The following GANC variants were observed in gnomAD, a reference collection of about 807,000 sequenced individuals.
The protein encoded by GANC is neutral alpha-glucosidase C.
Under a neutral mutation model 124.2 loss-of-function variants are expected in GANC, and 117 were observed. The ratio of observed to expected loss-of-function variants is 0.94; its 90% CI spans 0.81 to 1.10. The LOEUF (loss-of-function observed/expected upper bound fraction) is 1.10, where lower values mean the gene tolerates loss of function less well. GANC is among the 50% of genes least tolerant of loss of function. The pLI is 0.00. For synonymous variants in GANC, 377 were observed against 376.8 expected, an observed-to-expected ratio of 1.00 and a Z score of -0.01; for missense variants, 1,140 against 1,095.0, an observed-to-expected ratio of 1.04 and a Z score of -0.58.
chr15:42,310,843 A>C lies in GANC; in HGVS notation c.1054A>C (p.Thr352Pro). 2 of 1,608,922 alleles carry C rather than the reference A, an allele frequency of 1.2e-6. No homozygotes were observed. Among genetic ancestry groups the C allele is most frequent in the Non-Finnish European group, 1.7e-6 (2 of 1,175,646 alleles). ...TGTCTTCAAACAGTACTCACACCTT[A>C]CAGGTATTTGCACGAAGAAGTGCCA... is the stretch of plus-strand genomic sequence containing the variant. ...SDVFKQYSHLTGTQAMPPLFS... is the reference protein window; with the variant it reads ...SDVFKQYSHLPGTQAMPPLFS... The change falls in exon 10 of 24, where the codon ACA becomes CCA. Residue 352 changes from threonine to proline, a missense_variant. Physicochemically the swap from Thr to Pro is conservative, Grantham distance 38 (BLOSUM62 -1). Coordinates refer to ENST00000318010, the MANE Select transcript of GANC (RefSeq NM_198141.3).
intron 1 of GANC, among the ~76,000 whole-genome samples, chr15:42,275,792 T>G (rs1356065685): frequency 6.6e-6 from 1 of 152,234 alleles, no homozygotes; most frequent in African/African-American, 2.4e-5. Context: ...TCTGTTCTTA[T>G]TCTAGCACCT....
intron 3 of GANC, chr15:42,281,024 A>C (rs964019340): frequency 1.4e-6 from 1 of 702,576 alleles, no homozygotes; most frequent in African/African-American, 1.7e-5. Flanking sequence ...ACCTGGCTCA[A>C]AAGGAAGCTG....
chr15:42,281,267 G>A, intron 3 of GANC: 1 of 620,040 alleles, frequency 1.6e-6, no homozygotes, highest in South Asian at 1.9e-5. Flanking sequence ...TTGTCATGTG[G>A]TGTTGAGATG....
intron 18 of GANC, among the ~76,000 whole-genome samples, chr15:42,341,749 A>T (rs1391644390): frequency 6.6e-6 from 1 of 152,064 alleles, no homozygotes; most frequent in Non-Finnish European, 1.5e-5. Context: ...TTTTTAGTAG[A>T]GATGGGGTTT....
intron 15 of GANC, among the ~76,000 whole-genome samples, chr15:42,333,954 A>G (rs1049608863): frequency 3.3e-5 from 5 of 152,140 alleles, no homozygotes; most frequent in African/African-American, 9.7e-5. Flanking sequence ...TATGTGATCA[A>G]TTGCTTTGCA....
At chr15:42,329,524 T>C in intron 14 of GANC, 75 bp downstream of exon 14, 2 of 1,454,278 alleles carry the variant, frequency 1.4e-6, no homozygotes, top group Non-Finnish European at 9.3e-7. Flanking sequence ...CTTTGTGATA[T>C]AATGGCTATT....
intron 20 of GANC, among the ~76,000 whole-genome samples, chr15:42,347,226 T>C (rs961254705): frequency 6.7e-6 from 1 of 150,374 alleles, no homozygotes; most frequent in Admixed American, 6.6e-5. Flanking sequence ...AAGGGGCATG[T>C]GTGGGGAGAT....
intron 8 of GANC, among the ~76,000 whole-genome samples, 192 bp downstream of exon 8, chr15:42,308,510 GTC>G (rs2052019867): frequency 6.6e-6 from 1 of 152,088 alleles, no homozygotes; most frequent in Non-Finnish European, 1.5e-5. Context: ...TTGAGACAGA[GTC>G]TTGCTCTGTC....
chr15:42,351,236 T>TGGGAGAGGAACTCACAAGGC (rs2052432635), intron 22 of GANC, 93 bp from the exon 23 acceptor site: 2 of 824,670 alleles, frequency 2.4e-6, no homozygotes, highest in African/African-American at 3.4e-5. Flanking sequence ...AAGGGACAGA[T>TGGGAGAGGAACTCACAAGGC]GGGAGAGGAA....
In GANC at chr15:42,273,414, G is replaced by C; in HGVS notation, c.-1068G>C. 1 of 1,613,642 alleles carries C rather than the reference G, an allele frequency of 6.2e-7. No homozygotes were observed. The highest frequency in any genetic ancestry group is 2.2e-5 in the East Asian group (1 of 44,886). The stretch of plus-strand genomic sequence containing the variant: ...CCGCCGCCATCTTCACAGCCGTGGA[G>C]TGCCTACCGAAAGCATTTCACCCTC... On this transcript the variant is annotated 5_prime_UTR_variant, in exon 1 of 24. Transcript: ENST00000318010.
Position 42,337,534 on chromosome 15 carries a change from A to G in GANC, c.1742-855A>G, listed in dbSNP as rs2052292167. 2.6e-5 allele frequency among the ~76,000 whole-genome samples: 4 copies of G among 152,164 alleles called. 1 individual carries two copies. In the South Asian group the frequency reaches 8.3e-4, roughly 32 times the overall value. ...AGAACACGTGGACACATAGAGGGGA[A>G]CAACAGACACTGGGGCCTACCTGAG... On this transcript the variant is annotated intron_variant, in intron 15 of 23. Transcript: ENST00000318010.
At chr15:42,296,528 G>T (rs2051893525) in intron 5 of GANC, among the ~76,000 whole-genome samples, 1 of 152,078 alleles carries the variant, frequency 6.6e-6, no homozygotes, top group Admixed American at 6.6e-5. Context: ...AAGTAGCTGT[G>T]ATTACAGGTG....
intron 2 of GANC, among the ~76,000 whole-genome samples, chr15:42,277,060 C>T (rs1442034814): frequency 3.3e-5 from 5 of 152,130 alleles, no homozygotes; most frequent in African/African-American, 1.2e-4. Flanking sequence ...GCTAAAATAG[C>T]ACTACCACAA....
intron 1 of GANC, 74 bp downstream of exon 1, chr15:42,274,584 T>A: frequency 7.1e-7 from 1 of 1,400,106 alleles, no homozygotes; most frequent in South Asian, 1.3e-5. Context: ...TAATTGCATT[T>A]CTTATTTGCG....
In GANC at chr15:42,296,775, C is replaced by T. The variant is rs140371176; in HGVS notation, c.513-836C>T. 1.1e-4 allele frequency among the ~76,000 whole-genome samples: 16 copies of T among 151,286 alleles called. No homozygotes were observed. The East Asian group carries it at 2.7e-3, about 26-fold the overall frequency. ...TTTGGATTCGTCTTTTCTAAAAAAA[C>T]TTTTATGTAATAAAAGTATGCTGTA... On this transcript the variant is annotated intron_variant, in intron 5 of 23. Transcript: ENST00000318010.
At chr15:42,342,006 T>G (rs2052332119) in intron 18 of GANC, among the ~76,000 whole-genome samples, 1 of 152,212 alleles carries the variant, frequency 6.6e-6, no homozygotes, top group African/African-American at 2.4e-5. Flanking sequence ...ATTATGTAAC[T>G]TTCATTCCAT....
At chr15:42,277,990 A>T (rs1000522211) in intron 2 of GANC, 1 of 338,508 alleles carries the variant, frequency 3.0e-6, no homozygotes, top group African/African-American at 2.1e-5. Context: ...ATTATACAGT[A>T]TAGCTTTCTA....
rs530905735 is a variant in GANC at position 42,294,295 on chromosome 15, C to T, written c.512+1378C>T. 8.6e-5 allele frequency among the ~76,000 whole-genome samples: 13 copies of T among 151,326 alleles called. 1 individual carries two copies. The South Asian group carries it at 1.2e-3, about 15-fold the overall frequency. ...ATCGTTGAAAGTAATGTGTTCTGGT[C>T]GGGTGTGGTGGCTCATGCCTGTAAC... On this transcript the variant is annotated intron_variant, in intron 5 of 23. Transcript: ENST00000318010.
Position 42,273,574 on chromosome 15 carries a change from T to C in GANC, c.-908T>C. 1 of 1,123,072 alleles carries C rather than the reference T, an allele frequency of 8.9e-7. No homozygotes were observed. The highest frequency in any genetic ancestry group is 1.2e-6 in the Non-Finnish European group (1 of 809,528). 69.6% of individuals were successfully genotyped at this position (1,123,072 alleles called of 1,614,324 possible). A position where few individuals can be genotyped will look rare whatever the true frequency, so the allele number is the denominator to read the frequency against. The stretch of plus-strand genomic sequence containing the variant: ...ACAGTCGTCTGTGCGCCGTGAGACT[T>C]TGGACCTACTGCGCAGGCGTCATCC... On this transcript the variant is annotated 5_prime_UTR_variant, in exon 1 of 24. Transcript: ENST00000318010.
Sources: allele counts gnomAD v4.1 joint callset (sites outside exome capture counted in the v4.1 genomes callset), GRCh38; gene constraint gnomAD v4.1.1; transcripts MANE v1.5; gene names NCBI Gene and HGNC (gene_info 2026-07-23, HGNC 2026-07-21).